The following PDE4B variants were observed in gnomAD, a reference collection of about 807,000 sequenced individuals.
PDE4B encodes phosphodiesterase 4B, also known as 3',5'-cyclic-AMP phosphodiesterase 4B.
PDE4B carries 20 observed loss-of-function variants against 82.2 expected under a neutral mutation model. The observed-to-expected ratio is 0.24, with a 90% CI of 0.17 to 0.35. The LOEUF (loss-of-function observed/expected upper bound fraction) is 0.35, where lower values mean the gene tolerates loss of function less well. Ranked by LOEUF, PDE4B falls within the 10% of genes least tolerant of loss-of-function variation. PDE4B has a pLI of 1.00. For synonymous variants in PDE4B, 320 were observed against 318.9 expected (o/e 1.00, Z -0.04); for missense variants, 655 against 907.2 (o/e 0.72, Z 3.57).
At chr1:66,123,178 C>A (rs1195608899) in intron 3 of PDE4B, among the ~76,000 whole-genome samples, 1 of 152,078 alleles carries the variant, frequency 6.6e-6, no homozygotes, top group Non-Finnish European at 1.5e-5. Context: ...AATTTTGATT[C>A]CTTTTTTTGA....
rs1388918319 is a variant in PDE4B, at chr1:66,036,594, G to A, written c.281+117759G>A. 2.0e-5 allele frequency among the ~76,000 whole-genome samples: 3 copies of A among 152,104 alleles called. No homozygotes were observed. In the East Asian group the frequency reaches 5.8e-4, roughly 29 times the overall value. On this transcript the variant is annotated intron_variant, in intron 3 of 16. Transcript: ENST00000341517. ...AGTGACTGTCTTTTTCTCATTGTGT[G>A]TCCCTAGTGCCCTTGTCAGAAATCA...
At chr1:66,045,374 G>A (rs974639427) in intron 3 of PDE4B, among the ~76,000 whole-genome samples, 7 of 151,538 alleles carry the variant, frequency 4.6e-5, no homozygotes, top group African/African-American at 1.7e-4. Context: ...GCTCCCCTGA[G>A]CTAATGCTGA....
chr1:66,316,722 GA>G (rs1442726855), intron 7 of PDE4B, among the ~76,000 whole-genome samples: 1 of 152,212 alleles, frequency 6.6e-6, no homozygotes, highest in African/African-American at 2.4e-5. Context: ...CACTGCATTA[GA>G]AAGGAACCAA....
intron 1 of PDE4B, among the ~76,000 whole-genome samples, chr1:65,894,349 AT>A (rs1195569821): frequency 6.6e-6 from 1 of 152,172 alleles, no homozygotes; most frequent in Non-Finnish European, 1.5e-5. Context: ...GGGAAAATTA[AT>A]TTGTATAATA....
At chr1:66,146,617 A>G (rs1197612697) in intron 3 of PDE4B, among the ~76,000 whole-genome samples, 1 of 152,162 alleles carries the variant, frequency 6.6e-6, no homozygotes, top group Non-Finnish European at 1.5e-5. Flanking sequence ...AAGTTGTGCA[A>G]TAAAAAATGC....
chr1:66,060,644 G>A (rs931624137), intron 3 of PDE4B, among the ~76,000 whole-genome samples: 37 of 152,144 alleles, frequency 2.4e-4, no homozygotes, highest in African/African-American at 8.7e-4. Context: ...GTTGAAGTTA[G>A]TATTGCCCAT....
At chr1:66,297,089 T>A (rs768981565) in intron 7 of PDE4B, among the ~76,000 whole-genome samples, 18 of 152,164 alleles carry the variant, frequency 1.2e-4, no homozygotes, top group Non-Finnish European at 2.2e-4. Flanking sequence ...TTCATACATC[T>A]CTTAGCCATA....
intron 6 of PDE4B, among the ~76,000 whole-genome samples, 154 bp from the exon 7 acceptor site, chr1:66,265,884 G>T (rs554116272): frequency 6.6e-6 from 1 of 152,250 alleles, no homozygotes; most frequent in Non-Finnish European, 1.5e-5. Context: ...ATCTACCCGG[G>T]TTACAGGAGC....
intron 1 of PDE4B, among the ~76,000 whole-genome samples, chr1:65,815,796 G>T (rs2101217360): frequency 6.6e-6 from 1 of 152,148 alleles, no homozygotes; most frequent in East Asian, 1.9e-4. Context: ...TCTCTTCAAA[G>T]AATATTGGAC....
intron 8 of PDE4B, among the ~76,000 whole-genome samples, chr1:66,353,474 G>A (rs1171908880): frequency 6.6e-6 from 1 of 152,196 alleles, no homozygotes; most frequent in Admixed American, 6.5e-5. Flanking sequence ...TCATTTGAAA[G>A]GGGAATGCCT....
At chr1:66,355,293 A>T in intron 8 of PDE4B, 1 of 408,446 alleles carries the variant, frequency 2.4e-6, no homozygotes, top group Non-Finnish European at 4.3e-6. Flanking sequence ...CTATGTTTGC[A>T]TCTTCAAAAG....
intron 3 of PDE4B, among the ~76,000 whole-genome samples, chr1:66,061,179 T>G (rs1450354065): frequency 6.6e-6 from 1 of 150,822 alleles, no homozygotes; most frequent in Non-Finnish European, 1.5e-5. Flanking sequence ...TGACAGATTT[T>G]AACCTTAATT....
At chr1:65,972,703 C>G (rs115439883) in intron 3 of PDE4B, among the ~76,000 whole-genome samples, 2,134 of 152,252 alleles carry the variant, frequency 0.014, 28 homozygotes, top group Non-Finnish European at 0.02. Flanking sequence ...CTAATATACT[C>G]TGATTCACTT....
intron 8 of PDE4B, among the ~76,000 whole-genome samples, chr1:66,343,889 A>T (rs1339601698): frequency 6.6e-6 from 1 of 152,194 alleles, no homozygotes; most frequent in Non-Finnish European, 1.5e-5. Flanking sequence ...AGAAATTTAA[A>T]GTTATGAAAC....
intron 3 of PDE4B, among the ~76,000 whole-genome samples, chr1:66,160,244 C>T (rs2101251704): frequency 6.6e-6 from 1 of 152,204 alleles, no homozygotes; most frequent in East Asian, 1.9e-4. Flanking sequence ...AACAAGAGAC[C>T]CAAAGGTGTT....
At position 65,918,779 on chromosome 1, in the gene PDE4B, C is replaced by A; in HGVS notation, c.225C>A (p.Thr75=). Residue 75 remains threonine, a synonymous_variant, in exon 3 of 17, where the codon ACC becomes ACA. Transcript: ENST00000341517. Reference sequence around the variant, plus strand: ...AGGGAGATGGTATTTCCAGGCCGACCACACTGCCTTTGACAACGCTTCCAA... The same window carrying A: ...AGGGAGATGGTATTTCCAGGCCGACAACACTGCCTTTGACAACGCTTCCAA... ...TPEGDGISRP[T]TLPLTTLPSI... 1 of 1,614,002 alleles carries A rather than the reference C, an allele frequency of 6.2e-7. No individual in the cohort carries two copies. The highest frequency in any genetic ancestry group is 8.5e-7 in the Non-Finnish European group (1 of 1,179,880).
At chr1:66,136,843 T>C (rs900353544) in intron 3 of PDE4B, among the ~76,000 whole-genome samples, 3 of 151,334 alleles carry the variant, frequency 2.0e-5, no homozygotes, top group African/African-American at 4.9e-5. Context: ...ATGGTTGAGA[T>C]AGAAGGAGAA....
chr1:65,926,414 C>G (rs779374683), intron 3 of PDE4B, among the ~76,000 whole-genome samples: 1 of 152,092 alleles, frequency 6.6e-6, no homozygotes, highest in Non-Finnish European at 1.5e-5. Context: ...ATAAAATTGC[C>G]TTTAGTACAT....
At chr1:66,205,947 G>A (rs1035655442) in intron 3 of PDE4B, among the ~76,000 whole-genome samples, 7 of 152,144 alleles carry the variant, frequency 4.6e-5, no homozygotes, top group Non-Finnish European at 1.0e-4. Flanking sequence ...CCTTGCCAGG[G>A]ACTTTCTAGA....
Sources: allele counts gnomAD v4.1 joint callset (sites outside exome capture counted in the v4.1 genomes callset), GRCh38; gene constraint gnomAD v4.1.1; transcripts MANE v1.5; gene names NCBI Gene and HGNC (gene_info 2026-07-23, HGNC 2026-07-21).